Variants in ST3GAL3 observed in about 807,000 individuals in gnomAD.
The protein encoded by ST3GAL3 is CMP-N-acetylneuraminate-beta-1,4-galactoside alpha-2,3-sialyltransferase.
A neutral mutation model predicts 50.1 loss-of-function variants in ST3GAL3; 21 were observed. The ratio of observed to expected loss-of-function variants is 0.42; its 90% CI spans 0.30 to 0.60. ST3GAL3 has a LOEUF of 0.60. Ranked by LOEUF, ST3GAL3 falls within the 20% of genes least tolerant of loss-of-function variation. The pLI, the probability that ST3GAL3 is intolerant of heterozygous loss-of-function variation, is 0.19. For missense variants in ST3GAL3, 353 were observed against 489.4 expected (o/e 0.72, Z 2.63); for synonymous variants, 183 against 190.0 (o/e 0.96, Z 0.30).
intron 2 of ST3GAL3, chr1:43,772,140 C>T (rs374819511): frequency 3.0e-5 from 12 of 398,134 alleles, no homozygotes; most frequent in African/African-American, 1.4e-4. Flanking sequence ...ACCTCCGCCT[C>T]CCGGGTTCAA....
At chr1:43,729,246 C>T (rs1674518298) in intron 1 of ST3GAL3, among the ~76,000 whole-genome samples, 1 of 151,954 alleles carries the variant, frequency 6.6e-6, no homozygotes, top group African/African-American at 2.4e-5. Context: ...TCCACTACCA[C>T]GCCCAGCTAT....
intron 4 of ST3GAL3, among the ~76,000 whole-genome samples, chr1:43,834,721 G>A (rs932773378): frequency 2.0e-5 from 3 of 152,120 alleles, no homozygotes; most frequent in Admixed American, 6.5e-5. Flanking sequence ...ATCTGAACCC[G>A]AGCCAGGCGC....
chr1:43,730,102 A>G (rs1461707084), intron 1 of ST3GAL3, among the ~76,000 whole-genome samples: 2 of 151,928 alleles, frequency 1.3e-5, no homozygotes, highest in South Asian at 2.1e-4. Context: ...GCTCTTTTGT[A>G]TGTTGTCTAC....
At chr1:43,853,777 A>G (rs1431469075) in intron 5 of ST3GAL3, among the ~76,000 whole-genome samples, 1 of 152,232 alleles carries the variant, frequency 6.6e-6, no homozygotes, top group Non-Finnish European at 1.5e-5. Context: ...GCTATGGTCC[A>G]AGCTGGCTGA....
At chr1:43,930,003 C>G (rs1405292235) in intron 11 of ST3GAL3, 129 bp from the exon 12 acceptor site, 1 of 799,730 alleles carries the variant, frequency 1.3e-6, no homozygotes, top group Non-Finnish European at 2.2e-6. Context: ...AACTGATTAC[C>G]AGTATCTGCC....
intron 5 of ST3GAL3, among the ~76,000 whole-genome samples, chr1:43,888,788 G>T (rs181578602): frequency 6.6e-6 from 1 of 152,212 alleles, no homozygotes; most frequent in East Asian, 1.9e-4. Flanking sequence ...ATGTTGCAGG[G>T]GCTGTGGGGG....
At chr1:43,828,750 G>A (rs953662766) in intron 4 of ST3GAL3, among the ~76,000 whole-genome samples, 1 of 152,084 alleles carries the variant, frequency 6.6e-6, no homozygotes, top group Non-Finnish European at 1.5e-5. Flanking sequence ...CAAAAAACCT[G>A]ACAGTCTCAA....
intron 5 of ST3GAL3, among the ~76,000 whole-genome samples, chr1:43,871,663 G>A (rs1326319065): frequency 3.0e-5 from 3 of 101,328 alleles, no homozygotes; most frequent in Non-Finnish European, 2.1e-5. Context: ...GGGATGTGAG[G>A]GAGAAGATGG....
intron 11 of ST3GAL3, among the ~76,000 whole-genome samples, chr1:43,921,239 A>G (rs2082985499): frequency 1.3e-5 from 2 of 152,074 alleles, no homozygotes; most frequent in Admixed American, 1.3e-4. Context: ...GCCTTCCCCC[A>G]GAGGACGCTA....
intron 2 of ST3GAL3, among the ~76,000 whole-genome samples, chr1:43,749,966 C>T (rs1250997660): frequency 6.6e-6 from 1 of 152,156 alleles, no homozygotes; most frequent in Non-Finnish European, 1.5e-5. Flanking sequence ...ACCAAACCTG[C>T]TAATGTTTTG....
At position 43,723,960 on chromosome 1, in the gene ST3GAL3, G is replaced by A. The variant is rs150109748; in HGVS notation, c.-30-12273G>A. ...CAAATGGACTAAGAGTCAGCATAAT[G>A]GTGGTAAACGAAGTCACAGAAGAGG... On this transcript the variant is annotated intron_variant, in intron 1 of 11. Transcript: ENST00000347631. Among the ~76,000 whole-genome samples the A allele has an allele frequency of 2.1e-3, 327 of 152,182 alleles. 1 individual carries two copies. Among genetic ancestry groups the A allele is most frequent in the African/African-American group, 7.6e-3 (315 of 41,510 alleles).
chr1:43,720,843 G>A (rs942709833), intron 1 of ST3GAL3, among the ~76,000 whole-genome samples: 19 of 152,158 alleles, frequency 1.2e-4, no homozygotes, highest in African/African-American at 4.6e-4. Context: ...TCATAGCAGC[G>A]TTATTCAGCC....
chr1:43,864,418 C>T (rs961953412), intron 5 of ST3GAL3, among the ~76,000 whole-genome samples: 3 of 152,152 alleles, frequency 2.0e-5, no homozygotes, highest in Non-Finnish European at 4.4e-5. Context: ...GATGGGGACA[C>T]CTGTGCTGCC....
chr1:43,736,815 T>A (rs1678691748), intron 2 of ST3GAL3: 1 of 268,092 alleles, frequency 3.7e-6, no homozygotes, highest in Non-Finnish European at 7.3e-6. Context: ...ATTGTCTCTG[T>A]TTTGTTTTCC....
At position 43,816,699 on chromosome 1, in the gene ST3GAL3, G is replaced by A. The variant is rs545031223; in HGVS notation, c.209+1766G>A. Among the ~76,000 whole-genome samples the A allele has an allele frequency of 1.2e-4, 18 of 152,352 alleles. No homozygotes were observed. In the South Asian group the frequency reaches 3.5e-3, roughly 30 times the overall value. On this transcript the variant is annotated intron_variant, in intron 4 of 11. Coordinates refer to ENST00000347631, the MANE Select transcript of ST3GAL3 (RefSeq NM_006279.5). ...ACGCTCATCTCCTGCTGTCCTGACA[G>A]TTGGGTCCTGCAGAGTAGGCTGTTG... is the stretch of plus-strand genomic sequence containing the variant.
At chr1:43,745,373 A>C (rs1683181795) in intron 2 of ST3GAL3, among the ~76,000 whole-genome samples, 1 of 152,224 alleles carries the variant, frequency 6.6e-6, no homozygotes, top group African/African-American at 2.4e-5. Context: ...TTTTATATAA[A>C]GTGAGAAAAG....
intron 5 of ST3GAL3, among the ~76,000 whole-genome samples, chr1:43,867,907 A>G (rs2071722166): frequency 6.6e-6 from 1 of 152,242 alleles, no homozygotes; most frequent in Non-Finnish European, 1.5e-5. Flanking sequence ...ATTAGAGGAA[A>G]TCAGAAGAGA....
At chr1:43,916,485 A>C (rs2081824969) in intron 9 of ST3GAL3, 1 of 152,288 alleles carries the variant, frequency 6.6e-6, no homozygotes, top group Non-Finnish European at 1.5e-5. Context: ...ACAGTAGAGG[A>C]TAGGGAACAA....
rs1034993825 is a variant in ST3GAL3, at chr1:43,926,570, A to C, written c.1039-3562A>C. ...CAGTGAGCCGAGATTGCACCATTGC[A>C]CTCCAGCCTCGGCAACAAGAGTGAA... is the stretch of plus-strand genomic sequence containing the variant. On this transcript the variant is annotated intron_variant, in intron 11 of 11. Transcript: ENST00000347631. 2.7e-5 allele frequency among the ~76,000 whole-genome samples: 4 copies of C among 147,004 alleles called. 1 individual carries two copies. Among genetic ancestry groups the C allele is most frequent in the South Asian group, 4.2e-4 (2 of 4,724 alleles).
Sources: allele counts gnomAD v4.1 joint callset (sites outside exome capture counted in the v4.1 genomes callset), GRCh38; gene constraint gnomAD v4.1.1; transcripts MANE v1.5; gene names NCBI Gene and HGNC (gene_info 2026-07-23, HGNC 2026-07-21).